The following ROBO1 variants were observed in gnomAD, a reference collection of about 807,000 sequenced individuals.
ROBO1 encodes the protein roundabout guidance receptor 1, also known as roundabout homolog 1.
ROBO1 carries 149 observed loss-of-function variants against 195.9 expected under a neutral mutation model. The observed-to-expected ratio is 0.76, with a 90% CI of 0.67 to 0.87. The LOEUF is 0.87. Among genes scored for constraint, ROBO1 ranks in the 40% least tolerant of loss-of-function variants. The pLI is 0.00. For synonymous variants in ROBO1, 816 were observed against 733.2 expected, an observed-to-expected ratio of 1.11 and a Z score of -1.82; for missense variants, 1,933 against 2,068.3, an observed-to-expected ratio of 0.93 and a Z score of 1.27.
chr3:79,350,890 C>T (rs2035315496), intron 2 of ROBO1, among the ~76,000 whole-genome samples: 1 of 152,000 alleles, frequency 6.6e-6, no homozygotes, highest in South Asian at 2.1e-4. Flanking sequence ...TATTCACAGG[C>T]ACCATCACAA....
chr3:79,153,921 G>C (rs2080815056), intron 2 of ROBO1, among the ~76,000 whole-genome samples: 1 of 151,532 alleles, frequency 6.6e-6, no homozygotes, highest in South Asian at 2.1e-4. Context: ...AGTGAGCTAA[G>C]TGATGTATTC....
chr3:79,280,305 A>T (rs1450963111), intron 2 of ROBO1, among the ~76,000 whole-genome samples: 1 of 152,200 alleles, frequency 6.6e-6, no homozygotes, highest in Non-Finnish European at 1.5e-5. Flanking sequence ...TGATCACTAT[A>T]CATTATATGT....
At chr3:79,259,629 A>G (rs1032917721) in intron 2 of ROBO1, among the ~76,000 whole-genome samples, 1 of 151,796 alleles carries the variant, frequency 6.6e-6, no homozygotes, top group Admixed American at 6.6e-5. Context: ...TACTCTCTAT[A>G]TCCACCCACA....
At chr3:78,697,537 C>T (rs536746046) in intron 8 of ROBO1, among the ~76,000 whole-genome samples, 7 of 152,136 alleles carry the variant, frequency 4.6e-5, no homozygotes, top group South Asian at 4.1e-4. Context: ...TAAATAATAG[C>T]GTGAACAACT....
At chr3:79,148,770 C>T (rs2080706317) in intron 2 of ROBO1, among the ~76,000 whole-genome samples, 6 of 151,888 alleles carry the variant, frequency 4.0e-5, no homozygotes, top group Admixed American at 3.3e-4. Flanking sequence ...TCATTCCTAA[C>T]ATGGATTCAC....
intron 4 of ROBO1, among the ~76,000 whole-genome samples, chr3:78,919,034 G>T (rs1472512557): frequency 6.6e-6 from 1 of 152,082 alleles, no homozygotes; most frequent in Non-Finnish European, 1.5e-5. Context: ...TGGAAAAAAG[G>T]TCAATGACAT....
At chr3:78,656,420 G>A (rs1276192018) in intron 18 of ROBO1, among the ~76,000 whole-genome samples, 6 of 139,366 alleles carry the variant, frequency 4.3e-5, no homozygotes, top group African/African-American at 8.1e-5. Context: ...GTGTAATCTC[G>A]ACTCACTGCA....
intron 2 of ROBO1, among the ~76,000 whole-genome samples, chr3:79,321,230 C>T (rs1028241059): frequency 6.6e-5 from 10 of 151,554 alleles, no homozygotes; most frequent in African/African-American, 2.4e-4. Context: ...TAAAGTATTG[C>T]TAGTGTGTTT....
At position 78,852,103 on chromosome 3, in the gene ROBO1, A is replaced by T. The variant is rs563709945; in HGVS notation, c.499+86498T>A. On this transcript the variant is annotated intron_variant, in intron 4 of 30. Transcript: ENST00000464233. ...TTAATCCATGTTTTAATTTAGAATC[A>T]GTTCCTAGGAAATGAAACATAACTT... Among the ~76,000 whole-genome samples, 9 of 152,238 alleles carry T rather than the reference A, an allele frequency of 5.9e-5. No individual in the cohort carries two copies. The South Asian group carries it at 1.9e-3, about 32-fold the overall frequency.
At chr3:79,413,200 A>G (rs569879017) in intron 2 of ROBO1, among the ~76,000 whole-genome samples, 2 of 152,144 alleles carry the variant, frequency 1.3e-5, no homozygotes, top group Admixed American at 1.3e-4. Flanking sequence ...CATGGCTGCC[A>G]AAATATATTT....
In ROBO1 at chr3:78,969,690, T is replaced by C. The variant is rs920327203; in HGVS notation, c.173-30763A>G. Among the ~76,000 whole-genome samples, 5 of 152,202 alleles carry C rather than the reference T, an allele frequency of 3.3e-5. No homozygotes were observed. In the South Asian group the frequency reaches 1.0e-3, roughly 31 times the overall value. Reference sequence around the variant, plus strand: ...TTGTGACGTGTCTGGCAGAGCCACATGTGGAGATTTTAATCCCTCACATTT... The same window carrying C: ...TTGTGACGTGTCTGGCAGAGCCACACGTGGAGATTTTAATCCCTCACATTT... On this transcript the variant is annotated intron_variant, in intron 3 of 30. Transcript: ENST00000464233.
At chr3:79,578,872 A>C (rs1943573396) in intron 2 of ROBO1, among the ~76,000 whole-genome samples, 2 of 152,178 alleles carry the variant, frequency 1.3e-5, no homozygotes, top group Admixed American at 6.6e-5. Flanking sequence ...ACTATACTAC[A>C]TTTTTCATTA....
chr3:78,908,274 A>G (rs998843659), intron 4 of ROBO1, among the ~76,000 whole-genome samples: 11 of 151,972 alleles, frequency 7.2e-5, no homozygotes, highest in African/African-American at 2.4e-4. Context: ...GTTACAATAC[A>G]AATCTAATTT....
chr3:79,179,103 C>T (rs2081300753), intron 2 of ROBO1, among the ~76,000 whole-genome samples: 1 of 152,142 alleles, frequency 6.6e-6, no homozygotes, highest in Non-Finnish European at 1.5e-5. Flanking sequence ...GGGCTTTTCC[C>T]TCAAACGATG....
chr3:78,756,082 G>C (rs1350137784), intron 4 of ROBO1, among the ~76,000 whole-genome samples: 1 of 151,874 alleles, frequency 6.6e-6, no homozygotes, highest in East Asian at 1.9e-4. Flanking sequence ...GTTTATAAAT[G>C]TATATATACA....
intron 1 of ROBO1, among the ~76,000 whole-genome samples, chr3:79,762,791 C>G (rs371441381): frequency 6.6e-6 from 1 of 152,140 alleles, no homozygotes; most frequent in Non-Finnish European, 1.5e-5. Context: ...TTTGCCCTGA[C>G]AGATAGCTCG....
chr3:78,649,675 A>C (rs1575840754), intron 19 of ROBO1, among the ~76,000 whole-genome samples: 1 of 152,186 alleles, frequency 6.6e-6, no homozygotes, highest in East Asian at 1.9e-4. Context: ...CTAGAAACAA[A>C]ATTATGAAAA....
In ROBO1 at chr3:78,598,130, G is replaced by GTAT. The variant is rs1449633831; in HGVS notation, c.*780_*782dup. The GTAT allele has an allele frequency of 1.3e-5, 2 of 152,488 alleles. No homozygotes were observed. The highest frequency in any genetic ancestry group is 1.3e-4 in the Admixed American group (2 of 15,274). 9.4% of individuals were successfully genotyped at this position (152,488 alleles called of 1,614,324 possible). ...AAAAACATCCACTTGTTTGTAATACGTATTTATAATTACTTTTTGATGATT... is the reference window on the plus strand; with the variant it reads ...AAAAACATCCACTTGTTTGTAATACGTATTATTTATAATTACTTTTTGATGATT... On this transcript the variant is annotated 3_prime_UTR_variant, in exon 31 of 31. Transcript: ENST00000464233.
At chr3:79,370,004 G>A (rs1036008296) in intron 2 of ROBO1, among the ~76,000 whole-genome samples, 5 of 152,120 alleles carry the variant, frequency 3.3e-5, no homozygotes, top group African/African-American at 1.2e-4. Flanking sequence ...TTTATATTCT[G>A]TATTTTCCAT....
Sources: gnomAD v4.1 joint callset for allele counts (sites outside exome capture counted in the v4.1 genomes callset) on GRCh38, gnomAD v4.1.1 for gene constraint, MANE v1.5 for transcripts, NCBI Gene and HGNC (gene_info 2026-07-23, HGNC 2026-07-21) for gene names.